Variants in CALN1 observed in about 807,000 individuals in gnomAD.
CALN1 encodes the protein calcium-binding protein 8.
In CALN1, 17 loss-of-function variants were observed where a neutral mutation model predicts 30.6. The ratio of observed to expected loss-of-function variants is 0.56; its 90% CI spans 0.38 to 0.83. The LOEUF (loss-of-function observed/expected upper bound fraction) is 0.83, where lower values mean the gene tolerates loss of function less well. Ranked by LOEUF, CALN1 falls within the 40% of genes least tolerant of loss-of-function variation. The pLI, the probability that CALN1 is intolerant of heterozygous loss-of-function variation, is 0.00. For missense variants in CALN1, 291 were observed against 354.9 expected (o/e 0.82, Z 1.45); for synonymous variants, 156 against 131.4 (o/e 1.19, Z -1.28).
chr7:72,410,884 CTAT>C (rs1390410813), intron 1 of CALN1, among the ~76,000 whole-genome samples: 11 of 152,132 alleles, frequency 7.2e-5, no homozygotes, highest in African/African-American at 2.7e-4. Context: ...ATCTCTGCTA[CTAT>C]TAACACTGTA....
intron 1 of CALN1, among the ~76,000 whole-genome samples, chr7:72,434,360 A>C (rs1422737193): frequency 2.6e-5 from 4 of 151,126 alleles, no homozygotes; most frequent in Non-Finnish European, 5.9e-5. Flanking sequence ...AAAAAAAAAA[A>C]AACAAAAAAA....
At chr7:72,316,968 GAAAGGAAAGGAAAGGAAAAAA>G (rs898402365) in intron 2 of CALN1, among the ~76,000 whole-genome samples, 5 of 132,180 alleles carry the variant, frequency 3.8e-5, no homozygotes, top group African/African-American at 8.8e-5. Flanking sequence ...ACAAATAAAC[GAAAGGAAAGGAAAGGAAAAAA>G]AAAGGAAAGG....
intron 1 of CALN1, among the ~76,000 whole-genome samples, chr7:72,442,352 C>T (rs1046595135): frequency 1.4e-4 from 21 of 152,232 alleles, no homozygotes; most frequent in African/African-American, 3.1e-4. Flanking sequence ...GTTCTTACAA[C>T]GCCTCCAAGA....
chr7:72,364,442 T>C (rs757744490), intron 2 of CALN1, among the ~76,000 whole-genome samples: 3 of 152,202 alleles, frequency 2.0e-5, no homozygotes, highest in Admixed American at 6.5e-5. Context: ...GAAATAAAAA[T>C]GTTTATGATT....
At chr7:71,823,694 G>A (rs1360150650) in intron 5 of CALN1, among the ~76,000 whole-genome samples, 4 of 151,128 alleles carry the variant, frequency 2.6e-5, no homozygotes. Flanking sequence ...CTCCAGCCTG[G>A]GCAACAGAGC....
intron 3 of CALN1, among the ~76,000 whole-genome samples, chr7:72,206,831 G>A (rs1791922905): frequency 6.6e-6 from 1 of 152,122 alleles, no homozygotes; most frequent in Admixed American, 6.6e-5. Context: ...AATAAGAATG[G>A]ATTTATCCTT....
chr7:72,289,005 G>A (rs1798290516), intron 2 of CALN1, among the ~76,000 whole-genome samples: 1 of 152,046 alleles, frequency 6.6e-6, no homozygotes. Flanking sequence ...GGCTATAAAT[G>A]GCAAGCTTTC....
chr7:72,096,385 C>T (rs1274744080), intron 4 of CALN1, among the ~76,000 whole-genome samples: 2 of 152,202 alleles, frequency 1.3e-5, no homozygotes, highest in Non-Finnish European at 1.5e-5. Flanking sequence ...CTTGCTCCTG[C>T]AAATATCCAC....
intron 4 of CALN1, among the ~76,000 whole-genome samples, chr7:72,055,087 A>T (rs1803167080): frequency 1.3e-5 from 2 of 152,204 alleles, no homozygotes. Flanking sequence ...AGCATTTTTT[A>T]TCTGCCAGGC....
intron 2 of CALN1, among the ~76,000 whole-genome samples, chr7:72,360,475 A>C (rs967319662): frequency 6.6e-5 from 10 of 151,972 alleles, no homozygotes; most frequent in African/African-American, 2.4e-4. Flanking sequence ...ACACATGTTT[A>C]TAGATGCATA....
chr7:72,459,470 G>A, the CALN1 span, among the ~76,000 whole-genome samples: 8 of 152,150 alleles, frequency 5.3e-5, no homozygotes, highest in African/African-American at 1.7e-4. Flanking sequence ...GCCTGCAGAG[G>A]CAAGCTAAGC....
At chr7:72,405,273 C>G (rs908273726) in intron 1 of CALN1, among the ~76,000 whole-genome samples, 1 of 152,216 alleles carries the variant, frequency 6.6e-6, no homozygotes, top group Non-Finnish European at 1.5e-5. Context: ...AGTACTTGGC[C>G]TCAAACACAT....
At chr7:71,813,030 C>A (rs191400977) in intron 5 of CALN1, among the ~76,000 whole-genome samples, 2 of 151,908 alleles carry the variant, frequency 1.3e-5, no homozygotes, top group African/African-American at 2.4e-5. Flanking sequence ...CTCACTGCAA[C>A]CTCCACCTCC....
chr7:71,844,990 A>G (rs1298934856), intron 5 of CALN1, among the ~76,000 whole-genome samples: 1 of 152,088 alleles, frequency 6.6e-6, no homozygotes, highest in Non-Finnish European at 1.5e-5. Context: ...CCCGGGTTCA[A>G]GCAGTACCTC....
intron 4 of CALN1, among the ~76,000 whole-genome samples, chr7:72,031,890 C>T (rs961295366): frequency 1.4e-4 from 21 of 151,618 alleles, no homozygotes; most frequent in Admixed American, 2.6e-4. Flanking sequence ...TACAGGCACC[C>T]ACCACCATGC....
At chr7:72,299,304 G>A (rs774394064) in intron 2 of CALN1, among the ~76,000 whole-genome samples, 1 of 152,134 alleles carries the variant, frequency 6.6e-6, no homozygotes, top group Non-Finnish European at 1.5e-5. Flanking sequence ...AGCCCATTAT[G>A]TCCACTATTA....
At chr7:71,810,821 T>C (rs540885536) in intron 5 of CALN1, among the ~76,000 whole-genome samples, 1 of 152,268 alleles carries the variant, frequency 6.6e-6, no homozygotes, top group East Asian at 1.9e-4. Flanking sequence ...AAACCCTTTA[T>C]ATAATGCATA....
At chr7:72,349,889 T>G (rs1214626929) in intron 2 of CALN1, among the ~76,000 whole-genome samples, 1 of 152,222 alleles carries the variant, frequency 6.6e-6, no homozygotes, top group African/African-American at 2.4e-5. Flanking sequence ...CTGTTGGTTG[T>G]CTGTTTACTT....
At chr7:72,271,223 T>C (rs1407179301) in intron 3 of CALN1, among the ~76,000 whole-genome samples, 1 of 151,930 alleles carries the variant, frequency 6.6e-6, no homozygotes, top group Non-Finnish European at 1.5e-5. Context: ...AGGTCTAAAA[T>C]CCAAGAGGGA....
Sources: allele counts gnomAD v4.1 joint callset (sites outside exome capture counted in the v4.1 genomes callset), GRCh38; gene constraint gnomAD v4.1.1; transcripts MANE v1.5; gene names NCBI Gene and HGNC (gene_info 2026-07-23, HGNC 2026-07-21).